The following FYB1 variants were observed in gnomAD, a reference collection of about 807,000 sequenced individuals.
FYB1 encodes the protein FYN-binding protein 1.
A neutral mutation model predicts 94.1 loss-of-function variants in FYB1; 41 were observed. The ratio of observed to expected loss-of-function variants is 0.44; its 90% CI spans 0.34 to 0.57. The LOEUF (loss-of-function observed/expected upper bound fraction) is 0.57, where lower values mean the gene tolerates loss of function less well. Ranked by LOEUF, FYB1 falls within the 20% of genes least tolerant of loss-of-function variation. FYB1 has a pLI of 0.02. For synonymous variants in FYB1, 367 were observed against 353.2 expected, an observed-to-expected ratio of 1.04 and a Z score of -0.44; for missense variants, 1,050 against 976.8, an observed-to-expected ratio of 1.07 and a Z score of -1.00.
intron 1 of FYB1, among the ~76,000 whole-genome samples, chr5:39,230,844 T>TAC (rs10641788): frequency 0.061 from 8,786 of 143,520 alleles, 537 homozygotes; most frequent in African/African-American, 0.16. Context: ...TGTCTCAGTA[T>TAC]ACACACACAC....
chr5:39,195,897 G>T (rs1221229678), intron 2 of FYB1, among the ~76,000 whole-genome samples: 6 of 151,888 alleles, frequency 4.0e-5, no homozygotes, highest in African/African-American at 1.5e-4. Context: ...GATATTTTGG[G>T]TTTTTTTAAA....
At chr5:39,184,539 G>A (rs533620783) in intron 2 of FYB1, among the ~76,000 whole-genome samples, 2 of 152,206 alleles carry the variant, frequency 1.3e-5, no homozygotes, top group South Asian at 2.1e-4. Flanking sequence ...GCCTTTTCAA[G>A]AAAATTTGCC....
chr5:39,259,792 A>C (rs1007029333), intron 1 of FYB1, among the ~76,000 whole-genome samples: 2 of 152,240 alleles, frequency 1.3e-5, no homozygotes, highest in African/African-American at 4.8e-5. Flanking sequence ...AAGAGAAACA[A>C]TTCCAAAAAT....
At chr5:39,200,327 T>A (rs888747865) in intron 2 of FYB1, among the ~76,000 whole-genome samples, 2 of 152,148 alleles carry the variant, frequency 1.3e-5, no homozygotes, top group African/African-American at 4.8e-5. Context: ...GGGCAACATG[T>A]GTTACCACCA....
At chr5:39,257,927 G>T (rs1045046485) in intron 1 of FYB1, among the ~76,000 whole-genome samples, 1 of 152,186 alleles carries the variant, frequency 6.6e-6, no homozygotes, top group African/African-American at 2.4e-5. Flanking sequence ...CCAGGTTGAG[G>T]ACCACTGATC....
chr5:39,158,792 C>T (rs570836141), intron 2 of FYB1, among the ~76,000 whole-genome samples: 1 of 152,232 alleles, frequency 6.6e-6, no homozygotes, highest in East Asian at 1.9e-4. Context: ...TCCATGGATT[C>T]CTTAACAACA....
chr5:39,135,419 T>C (rs1741599456), intron 7 of FYB1, among the ~76,000 whole-genome samples: 1 of 152,254 alleles, frequency 6.6e-6, no homozygotes, highest in African/African-American at 2.4e-5. Context: ...GCATTGTTTG[T>C]AAAATTGGAG....
intron 15 of FYB1, 64 bp from the exon 16 acceptor site, chr5:39,119,100 T>C (rs1739847977): frequency 4.1e-6 from 3 of 729,744 alleles, no homozygotes; most frequent in East Asian, 6.4e-5. Flanking sequence ...AACTTATTTA[T>C]GGATGGATTT....
At chr5:39,119,409 T>C in intron 15 of FYB1, 126 bp downstream of exon 15, 1 of 650,760 alleles carries the variant, frequency 1.5e-6, no homozygotes, top group Non-Finnish European at 2.5e-6. Context: ...ATAATTACAC[T>C]TTAAAGTGTG....
chr5:39,235,062 T>G (rs1218605348), intron 1 of FYB1, among the ~76,000 whole-genome samples: 1 of 112,144 alleles, frequency 8.9e-6, no homozygotes, highest in African/African-American at 8.6e-5. Context: ...ATAATAATAA[T>G]AATAATAATA....
chr5:39,138,541 G>T, intron 6 of FYB1, 116 bp downstream of exon 6: 1 of 557,170 alleles, frequency 1.8e-6, no homozygotes, highest in Non-Finnish European at 3.2e-6. Context: ...TTATACGCCA[G>T]TCATTTGAAC....
At chr5:39,124,111 A>T in intron 13 of FYB1, 142 bp downstream of exon 13, 1 of 619,834 alleles carries the variant, frequency 1.6e-6, no homozygotes, top group South Asian at 2.1e-5. Context: ...TGACCACCCA[A>T]GGTAAAGTTA....
chr5:39,240,794 A>G (rs1196361915), intron 1 of FYB1, among the ~76,000 whole-genome samples: 1 of 152,224 alleles, frequency 6.6e-6, no homozygotes, highest in Non-Finnish European at 1.5e-5. Flanking sequence ...CAGAAGTATC[A>G]TTCGATTCAG....
chr5:39,188,022 G>A (rs1390998903), intron 2 of FYB1, among the ~76,000 whole-genome samples: 2 of 152,128 alleles, frequency 1.3e-5, no homozygotes, highest in Non-Finnish European at 2.9e-5. Context: ...GATTACAGGT[G>A]TTCTGTGGGT....
At chr5:39,182,289 G>A (rs1197063302) in intron 2 of FYB1, among the ~76,000 whole-genome samples, 1 of 156 alleles carries the variant, frequency 6.4e-3, no homozygotes, top group Non-Finnish European at 0.013. Flanking sequence ...GTGCATGCAT[G>A]TGTGTGTGTG....
At chr5:39,196,136 G>A (rs748875392) in intron 2 of FYB1, among the ~76,000 whole-genome samples, 1 of 151,614 alleles carries the variant, frequency 6.6e-6, no homozygotes, top group Non-Finnish European at 1.5e-5. Context: ...CAATTGCTAA[G>A]CTATAGAGTA....
intron 3 of FYB1, among the ~76,000 whole-genome samples, chr5:39,153,012 T>C (rs1241328879): frequency 6.6e-6 from 1 of 152,134 alleles, no homozygotes; most frequent in Middle Eastern, 3.2e-3. Flanking sequence ...GATGATACTA[T>C]CTAATCAATA....
At position 39,122,415 on chromosome 5, in the gene FYB1, A is replaced by G; in HGVS notation, c.2072-13T>C. 2 of 1,501,904 alleles carry G rather than the reference A, an allele frequency of 1.3e-6. No individual in the cohort carries two copies. The highest frequency in any genetic ancestry group is 1.8e-6 in the Non-Finnish European group (2 of 1,094,264). 93.0% of individuals were successfully genotyped at this position (1,501,904 alleles called of 1,614,324 possible). On this transcript the variant is annotated splice_polypyrimidine_tract_variant and intron_variant, in intron 13 of 18. Transcript: ENST00000512982. ...TCATCTCCCATGTCTAACAAAAGAC[A>G]GAATATCAAAGGTTGAAACACTGTT...
chr5:39,218,548 T>C (rs1490366574), intron 1 of FYB1, among the ~76,000 whole-genome samples: 1 of 152,202 alleles, frequency 6.6e-6, no homozygotes, highest in Non-Finnish European at 1.5e-5. Flanking sequence ...ATGGTGAATA[T>C]TAATTATTAT....
Sources: gnomAD v4.1 joint callset for allele counts (sites outside exome capture counted in the v4.1 genomes callset) on GRCh38, gnomAD v4.1.1 for gene constraint, MANE v1.5 for transcripts, NCBI Gene and HGNC (gene_info 2026-07-23, HGNC 2026-07-21) for gene names.